HMGN5: variants seen among roughly 807,000 people sequenced by gnomAD.
HMGN5 encodes high mobility group nucleosome binding domain 5.
Under a neutral mutation model 9.5 loss-of-function variants are expected in HMGN5, and 4 were observed. That is an observed-to-expected ratio of 0.42 (90% CI 0.21 to 0.96). HMGN5 has a LOEUF of 0.96. HMGN5 is among the 40% of genes least tolerant of loss of function. The pLI is 0.30. For synonymous variants in HMGN5, 55 were observed against 57.1 expected, an observed-to-expected ratio of 0.96 and a Z score of 0.16; for missense variants, 192 against 187.5, an observed-to-expected ratio of 1.02 and a Z score of -0.14.
intron 1 of HMGN5, among the ~76,000 whole-genome samples, chrX:81,148,631 G>A (rs2075352325): frequency 8.9e-6 from 1 of 111,814 alleles, no homozygotes. Flanking sequence ...ATTGACAAAT[G>A]GGATCTAATT....
intron 1 of HMGN5, among the ~76,000 whole-genome samples, chrX:81,130,928 T>C (rs1263735567): frequency 9.0e-6 from 1 of 111,085 alleles, no homozygotes; most frequent in African/African-American, 3.3e-5. Flanking sequence ...AAAAACATTA[T>C]GGGGACCAGA....
At chrX:81,189,228 C>G (rs1220642858) in intron 1 of HMGN5, among the ~76,000 whole-genome samples, 2 of 112,273 alleles carry the variant, frequency 1.8e-5, no homozygotes, top group Non-Finnish European at 3.8e-5. Flanking sequence ...GTCTCTCTTT[C>G]TCTACCTATT....
rs73508646 is a variant in HMGN5, at chrX:81,165,072, C to A, written c.-124+36665G>T. Among the ~76,000 whole-genome samples the A allele has an allele frequency of 4.5e-5, 5 of 110,963 alleles. No homozygotes were observed. In the East Asian group the frequency reaches 1.1e-3, roughly 25 times the overall value. Reference sequence around the variant, plus strand: ...CAGCATGATATAGTGGAAAGGTCATCGATTTTGGAATAATCCTTTATCTGA... The same window carrying A: ...CAGCATGATATAGTGGAAAGGTCATAGATTTTGGAATAATCCTTTATCTGA... On this transcript the variant is annotated intron_variant, in intron 1 of 6. Transcript: ENST00000358130.
chrX:81,130,398 A>C (rs748002401), intron 1 of HMGN5, among the ~76,000 whole-genome samples: 20 of 111,798 alleles, frequency 1.8e-4, no homozygotes, highest in Non-Finnish European at 5.7e-5. Context: ...CTCAGTATAC[A>C]GATGATAAAG....
intron 1 of HMGN5, among the ~76,000 whole-genome samples, chrX:81,147,716 T>A (rs1450787931): frequency 8.9e-6 from 1 of 111,835 alleles, no homozygotes; most frequent in South Asian, 3.7e-4. Context: ...ATGACAAGAT[T>A]GTATATTTAG....
intron 1 of HMGN5, among the ~76,000 whole-genome samples, chrX:81,189,730 C>T (rs901304678): frequency 3.6e-5 from 4 of 112,004 alleles, no homozygotes; most frequent in Admixed American, 1.9e-4. Flanking sequence ...TTTTTAACTC[C>T]TTTGGAGAAA....
intron 1 of HMGN5, among the ~76,000 whole-genome samples, chrX:81,175,446 C>A (rs2075438850): frequency 9.0e-6 from 1 of 110,670 alleles, no homozygotes; most frequent in Non-Finnish European, 1.9e-5. Context: ...AGTTAATTTT[C>A]TTTATTTGTA....
intron 1 of HMGN5, among the ~76,000 whole-genome samples, chrX:81,156,865 C>A (rs1569346880): frequency 9.0e-6 from 1 of 110,857 alleles, no homozygotes; most frequent in Non-Finnish European, 1.9e-5. Context: ...GCAGGCACCC[C>A]TGAATAACCT....
At chrX:81,176,776 A>G (rs1280306817) in intron 1 of HMGN5, among the ~76,000 whole-genome samples, 1 of 111,794 alleles carries the variant, frequency 8.9e-6, no homozygotes, top group Admixed American at 9.5e-5. Flanking sequence ...GAAATATGGG[A>G]CTATGTGAAA....
chrX:81,124,524 G>T (rs1392181099), intron 1 of HMGN5, among the ~76,000 whole-genome samples: 1 of 112,130 alleles, frequency 8.9e-6, no homozygotes, highest in Non-Finnish European at 1.9e-5. Context: ...AAGCAAGCTT[G>T]ATTTTTCCTT....
intron 1 of HMGN5, among the ~76,000 whole-genome samples, chrX:81,140,359 G>C (rs962689282): frequency 9.1e-6 from 1 of 110,251 alleles, no homozygotes; most frequent in Non-Finnish European, 1.9e-5. Context: ...AGGAGATTGA[G>C]ACCATCCTGG....
intron 1 of HMGN5, among the ~76,000 whole-genome samples, chrX:81,123,657 T>C (rs1177261436): frequency 8.9e-6 from 1 of 112,515 alleles, no homozygotes. Flanking sequence ...TTTGTTTTTG[T>C]AGACTAGCTT....
At chrX:81,153,099 A>G (rs1024341322) in intron 1 of HMGN5, among the ~76,000 whole-genome samples, 1 of 108,485 alleles carries the variant, frequency 9.2e-6, no homozygotes, top group Non-Finnish European at 1.9e-5. Flanking sequence ...TACATACGTA[A>G]CTAACCTGCA....
At chrX:81,118,379 T>A in intron 5 of HMGN5, 53 bp downstream of exon 5, 1 of 783,071 alleles carries the variant, frequency 1.3e-6, no homozygotes, top group Non-Finnish European at 1.9e-6. Flanking sequence ...TTTCAAAAAT[T>A]ATTTTTGAAA....
At chrX:81,160,941 C>T (rs1175768146) in intron 1 of HMGN5, among the ~76,000 whole-genome samples, 1 of 111,412 alleles carries the variant, frequency 9.0e-6, no homozygotes, top group Non-Finnish European at 1.9e-5. Flanking sequence ...ATATAATCAT[C>T]TGCTGATTGT....
chrX:81,186,253 T>C (rs1352745237), intron 1 of HMGN5, among the ~76,000 whole-genome samples: 1 of 111,894 alleles, frequency 8.9e-6, no homozygotes, highest in Non-Finnish European at 1.9e-5. Context: ...GGCTTTTCTT[T>C]ACTAAAAATC....
chrX:81,186,518 GT>G (rs1368775523), intron 1 of HMGN5, among the ~76,000 whole-genome samples: 1 of 111,350 alleles, frequency 9.0e-6, no homozygotes, highest in African/African-American at 3.3e-5. Flanking sequence ...TTGACTAAAG[GT>G]TTGTTAATTT....
intron 1 of HMGN5, among the ~76,000 whole-genome samples, chrX:81,158,477 A>G (rs991080739): frequency 8.9e-6 from 1 of 112,011 alleles, no homozygotes; most frequent in Admixed American, 9.5e-5. Flanking sequence ...TTCTTGTGAG[A>G]ATTATCTGTT....
At chrX:81,184,080 G>A (rs947014136) in intron 1 of HMGN5, among the ~76,000 whole-genome samples, 1 of 111,055 alleles carries the variant, frequency 9.0e-6, no homozygotes, top group Middle Eastern at 4.2e-3. Flanking sequence ...GGAGGGGCCG[G>A]GGTGGAATGA....
Sources: gnomAD v4.1 joint callset for allele counts (sites outside exome capture counted in the v4.1 genomes callset) on GRCh38, gnomAD v4.1.1 for gene constraint, MANE v1.5 for transcripts, NCBI Gene and HGNC (gene_info 2026-07-23, HGNC 2026-07-21) for gene names.